The following TTC3 variants were observed in gnomAD, a reference collection of about 807,000 sequenced individuals.
TTC3 encodes the protein tetratricopeptide repeat domain 3, also known as E3 ubiquitin-protein ligase TTC3.
A neutral mutation model predicts 249.6 loss-of-function variants in TTC3; 180 were observed. The observed-to-expected ratio is 0.72, with a 90% CI of 0.64 to 0.82. The LOEUF (loss-of-function observed/expected upper bound fraction) is 0.82. Ranked by LOEUF, TTC3 falls within the 40% of genes least tolerant of loss-of-function variation. The pLI, the probability that TTC3 is intolerant of heterozygous loss-of-function variation, is 0.00. For missense variants in TTC3, 2,061 were observed against 2,398.4 expected (o/e 0.86, Z 2.94); for synonymous variants, 717 against 805.0 (o/e 0.89, Z 1.85).
chr21:37,164,172 C>G, exon 32 of TTC3: 1 of 1,612,482 alleles, frequency 6.2e-7, no homozygotes, highest in South Asian at 1.1e-5. Context: ...CAATAAGAAG[C>G]TATGGGACAT....
intron 1 of TTC3, among the ~76,000 whole-genome samples, chr21:37,081,109 C>CTTTTTTT (rs58809719): frequency 1.2e-4 from 7 of 58,192 alleles, no homozygotes; most frequent in Non-Finnish European, 1.6e-4. Context: ...TTATTTATGC[C>CTTTTTTT]TTTTTTTTTT....
intron 10 of TTC3, among the ~76,000 whole-genome samples, chr21:37,104,604 A>G (rs1416190063): frequency 1.3e-5 from 2 of 151,954 alleles, no homozygotes; most frequent in African/African-American, 2.4e-5. Flanking sequence ...AAAAAAAAAA[A>G]AAAAAGAAAG....
At chr21:37,146,635 C>G (rs1046643811) in intron 21 of TTC3, among the ~76,000 whole-genome samples, 2 of 152,104 alleles carry the variant, frequency 1.3e-5, no homozygotes, top group Non-Finnish European at 2.9e-5. Context: ...TATGAAATCT[C>G]CAGAATAAGC....
intron 10 of TTC3, chr21:37,098,027 G>A: frequency 1.5e-6 from 1 of 684,486 alleles, no homozygotes; most frequent in East Asian, 2.7e-5. Context: ...ACGTTATGCA[G>A]CTTTTAGATG....
chr21:37,181,000 A>G (rs2082709865), intron 35 of TTC3, among the ~76,000 whole-genome samples: 1 of 152,204 alleles, frequency 6.6e-6, no homozygotes, highest in Admixed American at 6.5e-5. Flanking sequence ...AATATAGCAG[A>G]TACAGTTGTG....
At chr21:37,143,764 A>C (rs2078717737) in intron 20 of TTC3, among the ~76,000 whole-genome samples, 1 of 143,288 alleles carries the variant, frequency 7.0e-6, no homozygotes, top group Non-Finnish European at 1.5e-5. Flanking sequence ...AAGGATTATA[A>C]ATCATGCTGC....
chr21:37,119,592 A>T (rs73391005), intron 11 of TTC3, among the ~76,000 whole-genome samples: 11,825 of 152,038 alleles, frequency 0.078, 1,224 homozygotes, highest in African/African-American at 0.22. Context: ...CTGTCTCCTT[A>T]ACTGAGAGAG....
chr21:37,182,824 T>G, exon 36 of TTC3: 1 of 1,593,580 alleles, frequency 6.3e-7, no homozygotes, highest in Non-Finnish European at 8.5e-7. Context: ...AAAGAGAAAT[T>G]AAAAAATGGC....
chr21:37,196,164 C>G, intron 42 of TTC3, 128 bp downstream of exon 42: 2 of 1,222,060 alleles, frequency 1.6e-6, no homozygotes. Flanking sequence ...CTCAGAAAGA[C>G]AGTTGCTACA....
chr21:37,196,174 A>T (rs762139), intron 42 of TTC3, 138 bp downstream of exon 42: 518,395 of 1,096,398 alleles, frequency 0.47, 127,017 homozygotes, highest in African/African-American at 0.64. Context: ...CAGTTGCTAC[A>T]TTTCTTTCTT....
chr21:37,148,014 C>T (rs2079132350), intron 22 of TTC3, among the ~76,000 whole-genome samples: 1 of 152,194 alleles, frequency 6.6e-6, no homozygotes, highest in Non-Finnish European at 1.5e-5. Context: ...TATGAACCAC[C>T]ACGCCCAGCC....
At chr21:37,082,653 G>A (rs1216967105) in intron 1 of TTC3, 6 of 985,128 alleles carry the variant, frequency 6.1e-6, no homozygotes, top group Non-Finnish European at 7.2e-6. Context: ...GCTTTTGCGT[G>A]GAGAGGGTGC....
chr21:37,167,415 C>A, intron 33 of TTC3, 140 bp from the exon 34 acceptor site: 2 of 557,614 alleles, frequency 3.6e-6, no homozygotes, highest in Non-Finnish European at 6.4e-6. Context: ...TACATGTTTA[C>A]GGAAAGCATG....
intron 43 of TTC3, 58 bp downstream of exon 43, chr21:37,197,754 T>TA (rs34505047): frequency 0.11 from 137,364 of 1,302,276 alleles, 535 homozygotes; most frequent in African/African-American, 0.18. Context: ...TGAGAATTGT[T>TA]AAAAAAAAAA....
intron 20 of TTC3, among the ~76,000 whole-genome samples, chr21:37,142,428 A>G (rs555996568): frequency 2.0e-4 from 30 of 152,324 alleles, no homozygotes; most frequent in African/African-American, 6.5e-4. Context: ...TCAATGTGCA[A>G]AAATCACAAG....
rs1035468571 is a variant in TTC3, at chr21:37,083,146, G to T, written c.-11-4101G>T. On this transcript the variant is annotated intron_variant, in intron 1 of 45. Coordinates refer to ENST00000355666, the Ensembl canonical transcript of TTC3. ...CAACTTGATGGTAGTGGGAAGATCA[G>T]GAAATGCTTCCTGAAATTGAGTATT... is the stretch of plus-strand genomic sequence containing the variant. 13 of 985,222 alleles carry T rather than the reference G, an allele frequency of 1.3e-5. No individual in the cohort carries two copies. In the African/African-American group the frequency reaches 2.3e-4, roughly 17 times the overall value. The allele number at this position is 985,222 out of a possible 1,614,324, so 61.0% of individuals were successfully genotyped here.
At chr21:37,200,568 G>A (rs1242129465) in intron 45 of TTC3, among the ~76,000 whole-genome samples, 2 of 150,766 alleles carry the variant, frequency 1.3e-5, no homozygotes, top group African/African-American at 2.5e-5. Context: ...CCAGCCACTC[G>A]TTAGTGCTGA....
At chr21:37,126,234 TC>T in intron 15 of TTC3, 91 bp downstream of exon 15, 1 of 1,086,274 alleles carries the variant, frequency 9.2e-7, no homozygotes, top group Non-Finnish European at 1.3e-6. Flanking sequence ...CTTGCTTATA[TC>T]CACTCTTGTT....
rs138154150 is a variant in TTC3 at position 37,081,179 on chromosome 21, G to A, written c.-11-6068G>A. On this transcript the variant is annotated intron_variant, in intron 1 of 45. Transcript: ENST00000355666. The stretch of plus-strand genomic sequence containing the variant: ...TGTTGTTAGGCTGGAGTGCAGTGGC[G>A]CCATCTTGGCTCATTGCAACCTCCG... 1.3e-4 allele frequency among the ~76,000 whole-genome samples: 18 copies of A among 133,878 alleles called. No individual in the cohort carries two copies. In the East Asian group the frequency reaches 3.2e-3, roughly 24 times the overall value. The allele number at this position is 133,878 out of a possible 152,430, so 87.8% of individuals were successfully genotyped here. A position where few individuals can be genotyped will look rare whatever the true frequency, so the allele number is the denominator to read the frequency against.
Sources: gnomAD v4.1 joint callset for allele counts (sites outside exome capture counted in the v4.1 genomes callset) on GRCh38, gnomAD v4.1.1 for gene constraint, MANE v1.5 for transcripts, NCBI Gene and HGNC (gene_info 2026-07-23, HGNC 2026-07-21) for gene names.